INPP4B: variants seen among roughly 807,000 people sequenced by gnomAD.
The protein encoded by INPP4B is inositol polyphosphate-4-phosphatase type II B, also known as inositol polyphosphate 4-phosphatase type II.
Under a neutral mutation model 122.5 loss-of-function variants are expected in INPP4B, and 55 were observed. The observed-to-expected ratio is 0.45, with a 90% CI of 0.36 to 0.56. INPP4B has a LOEUF of 0.56. INPP4B is among the 20% of genes least tolerant of loss of function. INPP4B has a pLI of 0.00. For missense variants in INPP4B, 1,000 were observed against 1,097.7 expected (o/e 0.91, Z 1.26); for synonymous variants, 403 against 388.7 (o/e 1.04, Z -0.43).
At chr4:142,669,689 C>G (rs576945266) in intron 2 of INPP4B, among the ~76,000 whole-genome samples, 6 of 152,192 alleles carry the variant, frequency 3.9e-5, no homozygotes, top group Non-Finnish European at 7.4e-5. Context: ...AATGTAAAAC[C>G]AGAAATTATA....
Position 142,118,447 on chromosome 4 carries a change from C to T in INPP4B, c.2135+3681G>A, listed in dbSNP as rs530690644. Among the ~76,000 whole-genome samples the T allele has an allele frequency of 1.6e-4, 24 of 152,046 alleles. No homozygotes were observed. In the South Asian group the frequency reaches 4.4e-3, roughly 28 times the overall value. Reference sequence around the variant, plus strand: ...CATGGTACTGGTACCAAAACAGAGACATAGACCAATGGAACAGAACAGGGC... The same window carrying T: ...CATGGTACTGGTACCAAAACAGAGATATAGACCAATGGAACAGAACAGGGC... On this transcript the variant is annotated intron_variant, in intron 21 of 25. Transcript: ENST00000262992.
intron 2 of INPP4B, chr4:142,519,069 C>T (rs945534480): frequency 1.3e-5 from 2 of 152,110 alleles, no homozygotes; most frequent in African/African-American, 2.4e-5. Context: ...AGGTTTATGT[C>T]GTATGTGTAT....
intron 16 of INPP4B, among the ~76,000 whole-genome samples, chr4:142,162,297 T>G (rs1466629293): frequency 2.0e-5 from 3 of 150,394 alleles, no homozygotes; most frequent in African/African-American, 7.3e-5. Flanking sequence ...CAATGAAGTA[T>G]TAAAATGAGA....
intron 15 of INPP4B, among the ~76,000 whole-genome samples, chr4:142,190,717 AGTGTGT>A (rs374099702): frequency 1.9e-4 from 27 of 143,996 alleles, no homozygotes; most frequent in African/African-American, 3.7e-4. Flanking sequence ...GATCTGTAAG[AGTGTGT>A]GTGTGTGTGT....
chr4:142,627,704 C>G (rs896385895), intron 2 of INPP4B, among the ~76,000 whole-genome samples: 2 of 151,652 alleles, frequency 1.3e-5, no homozygotes, highest in Non-Finnish European at 2.9e-5. Context: ...GGATATTGGT[C>G]TAAAATTCTC....
At chr4:142,572,196 T>C (rs912240024) in intron 2 of INPP4B, among the ~76,000 whole-genome samples, 5 of 152,174 alleles carry the variant, frequency 3.3e-5, no homozygotes, top group African/African-American at 4.8e-5. Context: ...ATCACTGGCA[T>C]GTAAAACTAT....
intron 7 of INPP4B, among the ~76,000 whole-genome samples, chr4:142,317,957 A>T (rs1768404392): frequency 6.6e-6 from 1 of 152,140 alleles, no homozygotes; most frequent in South Asian, 2.1e-4. Flanking sequence ...GTTTTATTCC[A>T]CTGAAGTATG....
At chr4:142,373,650 T>C (rs1247948509) in intron 7 of INPP4B, among the ~76,000 whole-genome samples, 1 of 151,976 alleles carries the variant, frequency 6.6e-6, no homozygotes, top group African/African-American at 2.4e-5. Context: ...TGAGCAAATA[T>C]GTAAGGCCTA....
At chr4:142,772,260 G>C (rs957305045) in intron 1 of INPP4B, among the ~76,000 whole-genome samples, 6 of 152,118 alleles carry the variant, frequency 3.9e-5, no homozygotes, top group African/African-American at 1.4e-4. Flanking sequence ...TACTAATCCT[G>C]TGCTGGGATA....
At chr4:142,157,363 G>A (rs2152893366) in intron 17 of INPP4B, among the ~76,000 whole-genome samples, 1 of 152,236 alleles carries the variant, frequency 6.6e-6, no homozygotes, top group Non-Finnish European at 1.5e-5. Flanking sequence ...GAAAATCAAT[G>A]AAAATGTTAT....
chr4:142,609,031 C>A (rs902300776), intron 2 of INPP4B, among the ~76,000 whole-genome samples: 4 of 152,096 alleles, frequency 2.6e-5, no homozygotes, highest in Non-Finnish European at 5.9e-5. Context: ...AGTCTCGCTA[C>A]ATGAAGTGCC....
At chr4:142,443,900 T>C (rs983983634) in intron 3 of INPP4B, among the ~76,000 whole-genome samples, 1 of 151,698 alleles carries the variant, frequency 6.6e-6, no homozygotes. Context: ...AGGAGAAGGA[T>C]GAAAAAGTGT....
At chr4:142,469,408 T>C (rs1190927947) in intron 2 of INPP4B, among the ~76,000 whole-genome samples, 1 of 152,100 alleles carries the variant, frequency 6.6e-6, no homozygotes, top group Non-Finnish European at 1.5e-5. Flanking sequence ...GGGAAATATT[T>C]ACAGCATAAA....
intron 14 of INPP4B, among the ~76,000 whole-genome samples, chr4:142,197,135 A>AAAAAG (rs61305983): frequency 0.056 from 8,354 of 148,072 alleles, 807 homozygotes; most frequent in East Asian, 0.19. Flanking sequence ...TCAAAAAAAA[A>AAAAAG]AAAAAAAAAA....
In INPP4B at chr4:142,122,186, C is replaced by T. The variant is rs200293165; in HGVS notation, c.2077G>A (p.Ala693Thr). ...GATTTGGCTTCAATTATTTTAAATG[C>T]AACTTTCTTTAAATCGGAAATGCCA... ...AVGISDLKKV[A>T]FKIIEAKSND... The change falls in exon 21 of 26, where the codon GCA becomes ACA. Residue 693 changes from alanine to threonine, a missense_variant. Physicochemically the swap from Ala to Thr is moderately conservative, Grantham distance 58 (BLOSUM62 0). Coordinates refer to ENST00000262992, the MANE Select transcript of INPP4B (RefSeq NM_001101669.3). 1.0e-4 allele frequency: 167 copies of T among 1,611,982 alleles called. No homozygotes were observed. Among genetic ancestry groups the T allele is most frequent in the Non-Finnish European group, 2.9e-5 (34 of 1,179,060 alleles).
intron 7 of INPP4B, among the ~76,000 whole-genome samples, chr4:142,394,305 C>A (rs1231392417): frequency 8.5e-5 from 13 of 152,128 alleles, no homozygotes; most frequent in Non-Finnish European, 1.6e-4. Context: ...GTCACCACGC[C>A]CGGCTGATTT....
intron 2 of INPP4B, among the ~76,000 whole-genome samples, chr4:142,539,044 CT>C (rs1042749283): frequency 8.7e-5 from 13 of 149,720 alleles, no homozygotes; most frequent in African/African-American, 2.0e-4. Context: ...CTTTTCAGGC[CT>C]TTTTTTGTGA....
intron 1 of INPP4B, among the ~76,000 whole-genome samples, chr4:142,807,796 T>TAA (rs57179728): frequency 0.4 from 61,005 of 151,954 alleles, 13,389 homozygotes; most frequent in African/African-American, 0.59. Context: ...GCTGTAAGAA[T>TAA]AAGAGTGTAA....
chr4:142,774,820 T>C (rs76801058), intron 1 of INPP4B, among the ~76,000 whole-genome samples: 11,883 of 152,096 alleles, frequency 0.078, 575 homozygotes, highest in African/African-American at 0.12. Context: ...ATTATTAACC[T>C]CTTACATTAG....
Sources: allele counts gnomAD v4.1 joint callset (sites outside exome capture counted in the v4.1 genomes callset), GRCh38; gene constraint gnomAD v4.1.1; transcripts MANE v1.5; gene names NCBI Gene and HGNC (gene_info 2026-07-23, HGNC 2026-07-21).